The following ARAP2 variants were observed in gnomAD, a reference collection of about 807,000 sequenced individuals.
The protein encoded by ARAP2 is arf-GAP with Rho-GAP domain, ANK repeat and PH domain-containing protein 2.
In ARAP2, 148 loss-of-function variants were observed where a neutral mutation model predicts 194.5. The ratio of observed to expected loss-of-function variants is 0.76; its 90% CI spans 0.67 to 0.87. The LOEUF (loss-of-function observed/expected upper bound fraction) is 0.87, where lower values mean the gene tolerates loss of function less well. Among genes scored for constraint, ARAP2 ranks in the 40% least tolerant of loss-of-function variants. The pLI is 0.00. For synonymous variants in ARAP2, 695 were observed against 683.5 expected, an observed-to-expected ratio of 1.02 and a Z score of -0.26; for missense variants, 2,128 against 1,989.7, an observed-to-expected ratio of 1.07 and a Z score of -1.32.
chr4:36,109,292 A>G (rs1438448482), intron 26 of ARAP2, among the ~76,000 whole-genome samples: 1 of 151,908 alleles, frequency 6.6e-6, no homozygotes, highest in Non-Finnish European at 1.5e-5. Flanking sequence ...AAGAATAAAG[A>G]AGGAAAGAAA....
intron 30 of ARAP2, among the ~76,000 whole-genome samples, chr4:36,080,649 A>G (rs1303377959): frequency 6.6e-6 from 1 of 152,190 alleles, no homozygotes; most frequent in Non-Finnish European, 1.5e-5. Flanking sequence ...ATATGTGCAC[A>G]TCCTCATAAG....
chr4:36,040,179 T>C (rs1372122320), intron 5 of ARAP2, among the ~76,000 whole-genome samples: 1 of 152,226 alleles, frequency 6.6e-6, no homozygotes, highest in Non-Finnish European at 1.5e-5. Flanking sequence ...ATTTTTGTTC[T>C]GTCTATTTAC....
At chr4:36,216,526 T>C (rs1747972119) in intron 2 of ARAP2, among the ~76,000 whole-genome samples, 1 of 152,130 alleles carries the variant, frequency 6.6e-6, no homozygotes, top group African/African-American at 2.4e-5. Flanking sequence ...TAAAAATAAA[T>C]AGTCACCAAA....
intron 21 of ARAP2, among the ~76,000 whole-genome samples, chr4:36,127,890 T>C (rs1022583156): frequency 3.3e-5 from 5 of 151,992 alleles, no homozygotes; most frequent in African/African-American, 1.2e-4. Flanking sequence ...TATTTAAGTC[T>C]TTGTTATTGT....
intron 11 of ARAP2, among the ~76,000 whole-genome samples, chr4:36,163,735 T>A (rs938323068): frequency 6.6e-6 from 1 of 151,622 alleles, no homozygotes; most frequent in African/African-American, 2.4e-5. Flanking sequence ...ATGACGAACA[T>A]GTATCCTAAG....
intron 5 of ARAP2, among the ~76,000 whole-genome samples, chr4:36,043,860 G>GAGGGGAAGAGGA (rs1721354047): frequency 4.9e-4 from 16 of 32,854 alleles, no homozygotes; most frequent in African/African-American, 1.5e-3. Context: ...GGGGAGGGGG[G>GAGGGGAAGAGGA]AGGGGAAGGG....
intron 2 of ARAP2, among the ~76,000 whole-genome samples, chr4:36,226,385 T>C (rs1750309735): frequency 6.6e-6 from 1 of 152,170 alleles, no homozygotes; most frequent in Non-Finnish European, 1.5e-5. Flanking sequence ...GACTCTGATC[T>C]TCCAGCCTCC....
intron 28 of ARAP2, among the ~76,000 whole-genome samples, chr4:36,085,848 C>T (rs115230791): frequency 6.6e-6 from 1 of 152,192 alleles, no homozygotes; most frequent in African/African-American, 2.4e-5. Flanking sequence ...GCTTCCACTT[C>T]TTAAGGCTGT....
At chr4:36,036,558 G>C (rs1383567551) in intron 5 of ARAP2, among the ~76,000 whole-genome samples, 1 of 151,954 alleles carries the variant, frequency 6.6e-6, no homozygotes, top group African/African-American at 2.4e-5. Flanking sequence ...TTAAAATGAA[G>C]ATAAAAAGTG....
At chr4:36,093,936 G>A (rs1011221788) in intron 27 of ARAP2, among the ~76,000 whole-genome samples, 1 of 152,106 alleles carries the variant, frequency 6.6e-6, no homozygotes, top group Non-Finnish European at 1.5e-5. Context: ...AAGAAACTGA[G>A]GAATTTTACA....
intron 9 of ARAP2, among the ~76,000 whole-genome samples, chr4:36,008,179 A>G (rs1713707711): frequency 6.6e-6 from 1 of 152,112 alleles, no homozygotes. Context: ...TTTTTCACAA[A>G]TTAGAAAAAA....
chr4:36,221,823 C>T (rs1578328969), intron 2 of ARAP2, among the ~76,000 whole-genome samples: 1 of 152,088 alleles, frequency 6.6e-6, no homozygotes, highest in East Asian at 1.9e-4. Flanking sequence ...TATATTCTAA[C>T]ACTTATTATG....
intron 21 of ARAP2, among the ~76,000 whole-genome samples, chr4:36,127,570 ATTAC>A (rs1724260692): frequency 6.6e-6 from 1 of 151,996 alleles, no homozygotes; most frequent in Non-Finnish European, 1.5e-5. Context: ...AATGAGGAAA[ATTAC>A]TTCTCAATAG....
In ARAP2 at chr4:36,119,719, C is replaced by CTGTTTAA. The variant is rs751081640; in HGVS notation, c.3895-8_3895-2dup. On this transcript the variant is annotated splice_acceptor_variant, in intron 23 of 32. Coordinates refer to ENST00000303965, the MANE Select transcript of ARAP2 (RefSeq NM_015230.4). LOFTEE classifies it high-confidence loss of function. ...TTTGTTTGACTTGATCTTCTTTAAC[C>CTGTTTAA]TGTTTAAAATATAATTCGGGACATT... 1.9e-6 allele frequency: 3 copies of CTGTTTAA among 1,589,410 alleles called. No homozygotes were observed. In the South Asian group the frequency reaches 3.3e-5, roughly 18 times the overall value.
At chr4:36,064,186 G>A (rs1724966620), downstream of ARAP2, among the ~76,000 whole-genome samples, 1 of 136,622 alleles carries the variant, frequency 7.3e-6, no homozygotes, top group South Asian at 2.4e-4. Flanking sequence ...TGAGTGCTTT[G>A]CTTTTTTGTT....
intron 19 of ARAP2, among the ~76,000 whole-genome samples, chr4:36,143,475 T>A (rs910922636): frequency 5.9e-5 from 9 of 151,652 alleles, no homozygotes; most frequent in East Asian, 1.9e-4. Flanking sequence ...TAAAAAAAAA[T>A]TTAAGTTACA....
At chr4:36,143,027 C>T (rs1255574035) in intron 19 of ARAP2, among the ~76,000 whole-genome samples, 1 of 151,746 alleles carries the variant, frequency 6.6e-6, no homozygotes, top group Non-Finnish European at 1.5e-5. Context: ...CCACTATTTC[C>T]TATATGATGT....
chr4:36,087,018 A>C (rs1712053736), intron 28 of ARAP2, among the ~76,000 whole-genome samples: 1 of 152,076 alleles, frequency 6.6e-6, no homozygotes, highest in Admixed American at 6.6e-5. Context: ...TACACTTCTC[A>C]ATTTGTAATT....
At chr4:36,059,298 C>T (rs1724026403) in intron 1 of ARAP2, among the ~76,000 whole-genome samples, 1 of 152,120 alleles carries the variant, frequency 6.6e-6, no homozygotes, top group African/African-American at 2.4e-5. Context: ...TTGCTTCCTT[C>T]CACATAGTAG....
Sources: gnomAD v4.1 joint callset for allele counts (sites outside exome capture counted in the v4.1 genomes callset) on GRCh38, gnomAD v4.1.1 for gene constraint, MANE v1.5 for transcripts, NCBI Gene and HGNC (gene_info 2026-07-23, HGNC 2026-07-21) for gene names.